The following UBE4B variants were observed in gnomAD, a reference collection of about 807,000 sequenced individuals.
UBE4B encodes the protein ubiquitination factor E4B, also known as ubiquitin conjugation factor E4 B.
UBE4B carries 27 observed loss-of-function variants against 148.1 expected under a neutral mutation model. The ratio of observed to expected loss-of-function variants is 0.18; its 90% confidence interval spans 0.13 to 0.25. The LOEUF (loss-of-function observed/expected upper bound fraction) is 0.25. Ranked by LOEUF, UBE4B falls within the 10% of genes least tolerant of loss-of-function variation. The pLI, the probability that UBE4B is intolerant of heterozygous loss-of-function variation, is 1.00. For synonymous variants in UBE4B, 596 were observed against 619.3 expected (o/e 0.96, Z 0.56); for missense variants, 1,170 against 1,662.4 (o/e 0.70, Z 5.15).
At chr1:10,098,593 G>A (rs1644963772) in intron 3 of UBE4B, among the ~76,000 whole-genome samples, 1 of 152,202 alleles carries the variant, frequency 6.6e-6, no homozygotes, top group African/African-American at 2.4e-5. Flanking sequence ...TTGCTCCAGT[G>A]ACCTTGGAGG....
intron 24 of UBE4B, among the ~76,000 whole-genome samples, chr1:10,169,797 C>T (rs765921173): frequency 1.3e-5 from 2 of 152,168 alleles, no homozygotes; most frequent in Non-Finnish European, 2.9e-5. Context: ...GGTGGATCAC[C>T]TGAGGTCAGG....
intron 1 of UBE4B, among the ~76,000 whole-genome samples, chr1:10,055,686 A>G (rs1644153081): frequency 6.6e-6 from 1 of 152,132 alleles, no homozygotes; most frequent in Admixed American, 6.6e-5. Flanking sequence ...TTGGGAGGCC[A>G]AGGTGGGCAG....
At chr1:10,130,355 A>T in intron 12 of UBE4B, 145 bp from the exon 13 acceptor site, 1 of 750,212 alleles carries the variant, frequency 1.3e-6, no homozygotes. Flanking sequence ...TGCTGGGATT[A>T]CAGGCGTGAG....
In UBE4B at chr1:10,168,004, C is replaced by T; in HGVS notation, c.3199-132C>T. On this transcript the variant is annotated intron_variant, in intron 23 of 27. Coordinates refer to ENST00000343090, the MANE Select transcript of UBE4B (RefSeq NM_001105562.3). The surrounding 1 kb of genome is among the most constrained non-coding windows in gnomAD (Gnocchi z 4.9). ...AGGATGAAACTTCAGTTATCTGGGA[C>T]ATGTGGCAGGCGGTTCTGTCATTCC... The T allele has an allele frequency of 1.8e-6, 2 of 1,095,190 alleles. No individual in the cohort carries two copies. The highest frequency in any genetic ancestry group is 2.5e-6 in the Non-Finnish European group (2 of 811,550). The allele number at this position is 1,095,190 out of a possible 1,614,324, so 67.8% of individuals were successfully genotyped here.
chr1:10,135,208 C>G, intron 16 of UBE4B, 22 bp downstream of exon 16: 3 of 1,601,978 alleles, frequency 1.9e-6, no homozygotes, highest in Non-Finnish European at 1.7e-6. Context: ...GTTCGTGACT[C>G]GGTCATTAAA....
intron 6 of UBE4B, 91 bp downstream of exon 6, chr1:10,105,835 G>C: frequency 8.7e-6 from 11 of 1,264,096 alleles, no homozygotes; most frequent in Non-Finnish European, 1.2e-5. Context: ...GTGTTAATCA[G>C]TGTCATACAG....
intron 2 of UBE4B, among the ~76,000 whole-genome samples, chr1:10,073,881 C>T (rs1239746346): frequency 6.6e-6 from 1 of 150,850 alleles, no homozygotes; most frequent in Non-Finnish European, 1.5e-5. Context: ...CATGCTCACT[C>T]TCTCAGCTAG....
chr1:10,170,386 C>T (rs1646321612), intron 24 of UBE4B, among the ~76,000 whole-genome samples: 1 of 152,166 alleles, frequency 6.6e-6, no homozygotes. Context: ...CCAGTTATTA[C>T]ATTTCATGAA....
intron 2 of UBE4B, among the ~76,000 whole-genome samples, chr1:10,090,585 C>T (rs980444161): frequency 6.2e-4 from 94 of 152,082 alleles, no homozygotes; most frequent in African/African-American, 2.1e-3. Flanking sequence ...TTTATTGAGG[C>T]GTTTTGGTTT....
chr1:10,103,626 G>GTT (rs1279924321), intron 5 of UBE4B, among the ~76,000 whole-genome samples: 79 of 117,098 alleles, frequency 6.7e-4, no homozygotes, highest in African/African-American at 9.8e-4. Context: ...TGTTTGTTTT[G>GTT]TTTTTGTTTT....
At chr1:10,083,551 T>A (rs1472384445) in intron 2 of UBE4B, among the ~76,000 whole-genome samples, 1 of 152,220 alleles carries the variant, frequency 6.6e-6, no homozygotes, top group Non-Finnish European at 1.5e-5. Flanking sequence ...TTGATTGCTA[T>A]ATTAAAATCC....
rs761825845 is a variant in UBE4B at position 10,146,941 on chromosome 1, G to T, written c.2464-22G>T. On this transcript the variant is annotated intron_variant, in intron 18 of 27. Transcript: ENST00000343090. ...CTTAGCTACTGACTGATCTTTGGGT[G>T]GGGACATCCCTGCTTCCACAGAAAC... 3.7e-6 allele frequency: 6 copies of T among 1,611,906 alleles called. No homozygotes were observed. The East Asian group carries it at 1.3e-4, about 36-fold the overall frequency.
chr1:10,074,002 G>C (rs1416586508), intron 2 of UBE4B, among the ~76,000 whole-genome samples: 1 of 143,614 alleles, frequency 7.0e-6, no homozygotes, highest in Non-Finnish European at 1.5e-5. Context: ...TCATAGGCGT[G>C]ATCCTAGTGC....
chr1:10,139,190 G>A (rs745527896), intron 17 of UBE4B, among the ~76,000 whole-genome samples: 14 of 152,186 alleles, frequency 9.2e-5, no homozygotes, highest in Non-Finnish European at 1.8e-4. Flanking sequence ...GAGGTCAGGA[G>A]TTGGATGCTA....
intron 7 of UBE4B, among the ~76,000 whole-genome samples, chr1:10,115,807 T>G (rs1465619961): frequency 6.6e-6 from 1 of 152,182 alleles, no homozygotes; most frequent in East Asian, 1.9e-4. Context: ...GCTACAAACC[T>G]GTACTGCATG....
chr1:10,097,879 AT>A, intron 3 of UBE4B, among the ~76,000 whole-genome samples: 1 of 151,580 alleles, frequency 6.6e-6, no homozygotes, highest in South Asian at 2.1e-4. Context: ...ATTTGTCCTT[AT>A]TTTTTTTGGA....
chr1:10,167,869 G>A (rs1020514051), intron 23 of UBE4B, among the ~76,000 whole-genome samples: 9 of 152,132 alleles, frequency 5.9e-5, no homozygotes, highest in Non-Finnish European at 1.3e-4. Context: ...GATTACACGC[G>A]TGAGCCACCA....
chr1:10,175,197 C>G (rs1048620794), intron 25 of UBE4B, among the ~76,000 whole-genome samples: 2 of 152,032 alleles, frequency 1.3e-5, no homozygotes, highest in African/African-American at 4.8e-5. Flanking sequence ...TCCTGGGAGC[C>G]AAGAGGACCA....
chr1:10,050,272 A>G (rs1644008092), intron 1 of UBE4B, among the ~76,000 whole-genome samples: 1 of 152,214 alleles, frequency 6.6e-6, no homozygotes, highest in Admixed American at 6.5e-5. Flanking sequence ...AGGTTTTGCC[A>G]TGTTGGTCAG....
Sources: allele counts gnomAD v4.1 joint callset (sites outside exome capture counted in the v4.1 genomes callset), GRCh38; gene constraint gnomAD v4.1.1; non-coding constraint Gnocchi (gnomAD v3.1); transcripts MANE v1.5; gene names NCBI Gene and HGNC (gene_info 2026-07-23, HGNC 2026-07-21).